The following USP34 variants were observed in gnomAD, a reference collection of about 807,000 sequenced individuals.
USP34 encodes ubiquitin specific peptidase 34, also known as ubiquitin carboxyl-terminal hydrolase 34.
Under a neutral mutation model 460.3 loss-of-function variants are expected in USP34, and 70 were observed. The ratio of observed to expected loss-of-function variants is 0.15; its 90% CI spans 0.13 to 0.19. The LOEUF is 0.19. USP34 is among the 10% of genes least tolerant of loss of function. The pLI is 1.00. For missense variants in USP34, 3,985 were observed against 4,236.2 expected (o/e 0.94, Z 1.65); for synonymous variants, 1,647 against 1,405.3 (o/e 1.17, Z -3.85).
intron 30 of USP34, among the ~76,000 whole-genome samples, chr2:61,296,421 G>C (rs1027774949): frequency 1.3e-5 from 2 of 152,106 alleles, no homozygotes; most frequent in African/African-American, 4.8e-5. Context: ...CAGTTAATTT[G>C]TATAAGCACA....
chr2:61,328,921 A>G (rs965468638), intron 20 of USP34, among the ~76,000 whole-genome samples: 1 of 152,162 alleles, frequency 6.6e-6, no homozygotes, highest in Non-Finnish European at 1.5e-5. Flanking sequence ...TTTATAACCT[A>G]GTGTTTATTT....
chr2:61,422,836 G>A (rs1694401655), intron 1 of USP34, among the ~76,000 whole-genome samples: 2 of 151,904 alleles, frequency 1.3e-5, no homozygotes, highest in South Asian at 4.1e-4. Flanking sequence ...CCATCTCTAC[G>A]AAAAATATAA....
intron 10 of USP34, among the ~76,000 whole-genome samples, chr2:61,368,176 G>GT (rs1349415604): frequency 6.6e-6 from 1 of 152,200 alleles, no homozygotes; most frequent in Admixed American, 6.5e-5. Flanking sequence ...GCTCACGCCT[G>GT]TAATACCAGC....
At chr2:61,246,227 C>A in intron 50 of USP34, 97 bp downstream of exon 50, 1 of 1,101,266 alleles carries the variant, frequency 9.1e-7, no homozygotes, top group East Asian at 3.0e-5. Flanking sequence ...GCCTCATTTC[C>A]AACTTTTGTG....
intron 3 of USP34, among the ~76,000 whole-genome samples, chr2:61,401,588 AC>A (rs1405589208): frequency 1.7e-4 from 20 of 115,232 alleles, no homozygotes; most frequent in Non-Finnish European, 3.1e-4. Context: ...TCACTCTGTC[AC>A]CTAGGGTGGA....
intron 39 of USP34, among the ~76,000 whole-genome samples, chr2:61,278,947 TCTC>T (rs1231563658): frequency 3.3e-5 from 5 of 152,134 alleles, no homozygotes; most frequent in Non-Finnish European, 5.9e-5. Flanking sequence ...AAACTTTACT[TCTC>T]GTTATAACTA....
rs1689771414 is a variant in USP34, at chr2:61,289,013, G to A, written c.4549-136C>T. 11 of 861,464 alleles carry A rather than the reference G, an allele frequency of 1.3e-5. 1 individual carries two copies. The South Asian group carries it at 2.0e-4, about 16-fold the overall frequency. The allele number at this position is 861,464 out of a possible 1,614,324, so 53.4% of individuals were successfully genotyped here. A position where few individuals can be genotyped will look rare whatever the true frequency, so the allele number is the denominator to read the frequency against. Reference sequence around the variant, plus strand: ...AATCATGTACTATAAAAATTCTGCTGCTCAAATATTATGGTCAGTACCAAT... The same window carrying A: ...AATCATGTACTATAAAAATTCTGCTACTCAAATATTATGGTCAGTACCAAT... On this transcript the variant is annotated intron_variant, in intron 33 of 79. Coordinates refer to ENST00000398571, the MANE Select transcript of USP34 (RefSeq NM_014709.4).
chr2:61,311,611 T>C lies in USP34; in HGVS notation c.3746A>G (p.Gln1249Arg), dbSNP rs1455693833. ...AGCTTGTTGATTTATTTGTTCTTTC[T>C]GTAAATTTTCATACCAATGAGTTAC... Reference protein sequence around the residue: ...AEVTHWYENLQKEQINQQAQL... With the variant: ...AEVTHWYENLRKEQINQQAQL... The change falls in exon 27 of 80, where the codon CAG becomes CGG. Residue 1249 changes from glutamine (Q) to arginine (R), a missense_variant. Gln to Arg is a conservative substitution (Grantham distance 43, BLOSUM62 1). Around this residue, in one of 14 missense-constraint regions of USP34, gnomAD observed 1,114 missense variants for 1,122.5 expected, o/e 0.99. Coordinates refer to ENST00000398571, the MANE Select transcript of USP34 (RefSeq NM_014709.4). 2.5e-6 allele frequency: 4 copies of C among 1,613,832 alleles called. No homozygotes were observed. Among genetic ancestry groups the C allele is most frequent in the Non-Finnish European group, 3.4e-6 (4 of 1,179,900 alleles).
intron 76 of USP34, 68 bp downstream of exon 76, chr2:61,192,833 T>C: frequency 1.5e-6 from 2 of 1,355,748 alleles, no homozygotes; most frequent in Non-Finnish European, 2.1e-6. Context: ...AACCCACTGT[T>C]CCTAAAATTA....
chr2:61,281,360 C>A, intron 37 of USP34, 118 bp from the exon 38 acceptor site: 1 of 1,320,626 alleles, frequency 7.6e-7, no homozygotes, highest in African/African-American at 1.5e-5. Flanking sequence ...GCCTGTAATC[C>A]CAGCACTTTT....
At chr2:61,354,591 T>C (rs1216029228) in intron 10 of USP34, among the ~76,000 whole-genome samples, 2 of 152,182 alleles carry the variant, frequency 1.3e-5, no homozygotes, top group Non-Finnish European at 2.9e-5. Flanking sequence ...CGCTGCTCAA[T>C]GACCTGGTTA....
chr2:61,305,464 G>C (rs1690373987), intron 27 of USP34, among the ~76,000 whole-genome samples: 2 of 152,114 alleles, frequency 1.3e-5, no homozygotes, highest in South Asian at 4.1e-4. Flanking sequence ...TTTAGCATAA[G>C]AGTAAGATCA....
rs773136743 is a variant in USP34, at chr2:61,450,501, T to TA, written c.43+20148dup. Among the ~76,000 whole-genome samples the TA allele has an allele frequency of 5.9e-5, 9 of 152,016 alleles. No homozygotes were observed. In the South Asian group the frequency reaches 8.3e-4, roughly 14 times the overall value. ...CAACCCAATAGTTCACTATAGCTGT[T>TA]AAAAAAATTATAAAGTATGGGAGGC... On this transcript the variant is annotated intron_variant, in intron 1 of 79. Coordinates refer to ENST00000398571, the MANE Select transcript of USP34 (RefSeq NM_014709.4).
chr2:61,292,230 C>T (rs1422164851), intron 33 of USP34, among the ~76,000 whole-genome samples: 1 of 151,522 alleles, frequency 6.6e-6, no homozygotes, highest in East Asian at 1.9e-4. Context: ...TTCAACTAAA[C>T]TCATTTGAAA....
intron 53 of USP34, among the ~76,000 whole-genome samples, chr2:61,239,319 C>G: frequency 6.7e-6 from 1 of 150,210 alleles, no homozygotes. Flanking sequence ...CACACACACA[C>G]ACACACACAC....
intron 20 of USP34, 116 bp downstream of exon 20, chr2:61,331,160 T>C (rs1691248906): frequency 1.2e-6 from 1 of 865,544 alleles, no homozygotes; most frequent in Admixed American, 3.2e-5. Context: ...TTTATACAAA[T>C]AAAGTTTTCT....
intron 51 of USP34, among the ~76,000 whole-genome samples, chr2:61,243,559 T>C (rs1319445360): frequency 7.7e-5 from 1 of 12,914 alleles, no homozygotes. Flanking sequence ...TCTTCCTTCA[T>C]TTTTTTTTTT....
chr2:61,243,007 T>C (rs1161311073), intron 51 of USP34, among the ~76,000 whole-genome samples: 1 of 151,838 alleles, frequency 6.6e-6, no homozygotes, highest in Non-Finnish European at 1.5e-5. Context: ...CAAACCTGGC[T>C]AATTTTTTGC....
Position 61,245,233 on chromosome 2 carries a change from C to G in USP34, c.6604G>C (p.Glu2202Gln). ...ACCGTCATCTCTCCACCAAAACATT[C>G]AGATGCAAGTTGAGCAGAATCAAAA... is the stretch of plus-strand genomic sequence containing the variant. ...KPFDSAQLAS[E>Q]CFGGEMTTKT... Residue 2202 changes from glutamate to glutamine, a missense_variant, in exon 51 of 80, where the codon GAA becomes CAA. Around this residue, in one of 14 missense-constraint regions of USP34, gnomAD observed 11 missense variants for 37.7 expected, o/e 0.29. Coordinates refer to ENST00000398571, the MANE Select transcript of USP34 (RefSeq NM_014709.4). The G allele has an allele frequency of 6.2e-7, 1 of 1,610,416 alleles. No individual in the cohort carries two copies. Among genetic ancestry groups the G allele is most frequent in the Non-Finnish European group, 8.5e-7 (1 of 1,178,294 alleles).
Sources: allele counts gnomAD v4.1 joint callset (sites outside exome capture counted in the v4.1 genomes callset), GRCh38; gene constraint gnomAD v4.1.1; regional missense constraint gnomAD v4.1.1; transcripts MANE v1.5; gene names NCBI Gene and HGNC (gene_info 2026-07-23, HGNC 2026-07-21).